The following KHDRBS2 variants were observed in gnomAD, a reference collection of about 807,000 sequenced individuals.
KHDRBS2 encodes the protein KH domain-containing, RNA-binding, signal transduction-associated protein 2.
KHDRBS2 carries 26 observed loss-of-function variants against 44.3 expected under a neutral mutation model. The ratio of observed to expected loss-of-function variants is 0.59; its 90% confidence interval spans 0.43 to 0.81. KHDRBS2 has a LOEUF of 0.81. KHDRBS2 is among the 40% of genes least tolerant of loss of function. The pLI is 0.00. For missense variants in KHDRBS2, 476 were observed against 433.1 expected, an observed-to-expected ratio of 1.10 and a Z score of -0.88; for synonymous variants, 194 against 151.1, an observed-to-expected ratio of 1.28 and a Z score of -2.08.
chr6:61,627,702 T>C, the KHDRBS2 span, among the ~76,000 whole-genome samples: 1 of 152,232 alleles, frequency 6.6e-6, no homozygotes, highest in Admixed American at 6.5e-5. Flanking sequence ...GGTTGATGCA[T>C]TCTGGGGACA....
At chr6:61,648,968 G>A in the KHDRBS2 span, among the ~76,000 whole-genome samples, 45 of 152,076 alleles carry the variant, frequency 3.0e-4, no homozygotes, top group African/African-American at 1.1e-3. Context: ...ATATCTCCAG[G>A]GTATATCTTT....
At chr6:61,609,902 G>A in the KHDRBS2 span, among the ~76,000 whole-genome samples, 101 of 152,190 alleles carry the variant, frequency 6.6e-4, no homozygotes, top group African/African-American at 2.1e-3. Context: ...GGCTGGGTGC[G>A]GTGGCTCACG....
At chr6:61,958,456 T>C (rs1366262073) in intron 4 of KHDRBS2, among the ~76,000 whole-genome samples, 1 of 152,204 alleles carries the variant, frequency 6.6e-6, no homozygotes, top group Non-Finnish European at 1.5e-5. Context: ...TGCCTGGATG[T>C]AATTTCATTC....
chr6:61,944,230 T>C (rs531615123), intron 4 of KHDRBS2, among the ~76,000 whole-genome samples: 1 of 152,154 alleles, frequency 6.6e-6, no homozygotes, highest in Non-Finnish European at 1.5e-5. Flanking sequence ...TGTAGCACTA[T>C]TCACAATAGC....
intron 2 of KHDRBS2, among the ~76,000 whole-genome samples, chr6:62,061,218 G>T (rs1417236356): frequency 6.6e-6 from 1 of 151,408 alleles, no homozygotes; most frequent in Non-Finnish European, 1.5e-5. Flanking sequence ...CTGTCATTAT[G>T]ATGTTAGCTG....
chr6:62,166,709 A>T (rs1277264633), intron 2 of KHDRBS2, among the ~76,000 whole-genome samples: 1 of 152,076 alleles, frequency 6.6e-6, no homozygotes, highest in East Asian at 1.9e-4. Context: ...TCCACTTTTC[A>T]AAATCAATAA....
chr6:61,657,121 A>G, the KHDRBS2 span, among the ~76,000 whole-genome samples: 2 of 152,028 alleles, frequency 1.3e-5, no homozygotes, highest in East Asian at 2.0e-4. Context: ...CTTCTGCCCA[A>G]GCTCCATCCT....
At chr6:62,018,957 T>C (rs1392304698) in intron 3 of KHDRBS2, among the ~76,000 whole-genome samples, 1 of 152,114 alleles carries the variant, frequency 6.6e-6, no homozygotes, top group Non-Finnish European at 1.5e-5. Context: ...CATATATTCT[T>C]TTTTAAAATT....
intron 6 of KHDRBS2, among the ~76,000 whole-genome samples, chr6:61,841,348 T>C (rs1280563377): frequency 6.6e-6 from 1 of 152,174 alleles, no homozygotes; most frequent in Non-Finnish European, 1.5e-5. Context: ...TTTGGGTACA[T>C]ACTTCTTGAA....
intron 4 of KHDRBS2, among the ~76,000 whole-genome samples, chr6:61,935,941 T>C (rs1810936803): frequency 6.6e-6 from 1 of 152,116 alleles, no homozygotes; most frequent in South Asian, 2.1e-4. Context: ...TTTCTAGTTC[T>C]TCAATACCAT....
At chr6:62,095,591 C>T (rs994745889) in intron 2 of KHDRBS2, among the ~76,000 whole-genome samples, 1 of 151,766 alleles carries the variant, frequency 6.6e-6, no homozygotes, top group African/African-American at 2.4e-5. Flanking sequence ...AAGAAATCAC[C>T]TAACAATGCA....
chr6:62,233,801 C>A (rs1260380928), intron 1 of KHDRBS2, among the ~76,000 whole-genome samples: 1 of 152,088 alleles, frequency 6.6e-6, no homozygotes, highest in Non-Finnish European at 1.5e-5. Flanking sequence ...CATCAATGTT[C>A]CTGCAAAGAA....
intron 6 of KHDRBS2, among the ~76,000 whole-genome samples, chr6:61,881,167 T>C (rs1800155612): frequency 6.6e-6 from 1 of 151,904 alleles, no homozygotes. Flanking sequence ...GAACCTCAGA[T>C]CCACATGGGT....
chr6:61,972,220 G>T (rs1771581551), intron 4 of KHDRBS2, among the ~76,000 whole-genome samples: 1 of 152,048 alleles, frequency 6.6e-6, no homozygotes. Flanking sequence ...CAATCAATTA[G>T]CAATGATACA....
At chr6:61,597,651 T>C in the KHDRBS2 span, among the ~76,000 whole-genome samples, 9 of 146,030 alleles carry the variant, frequency 6.2e-5, no homozygotes, top group South Asian at 2.2e-4. Context: ...GGGACAGAAG[T>C]AAATGAAAGA....
chr6:61,636,762 C>G, the KHDRBS2 span, among the ~76,000 whole-genome samples: 2 of 152,078 alleles, frequency 1.3e-5, no homozygotes, highest in Admixed American at 6.6e-5. Context: ...TCTTACACCT[C>G]TATTTCAAAC....
chr6:62,121,288 C>T (rs775270995), intron 2 of KHDRBS2, among the ~76,000 whole-genome samples: 12 of 152,312 alleles, frequency 7.9e-5, no homozygotes, highest in Admixed American at 2.0e-4. Context: ...TCAAAAACAA[C>T]ATTCCATCCC....
chr6:62,093,632 A>G (rs1218519301), intron 2 of KHDRBS2, among the ~76,000 whole-genome samples: 1 of 151,846 alleles, frequency 6.6e-6, no homozygotes, highest in African/African-American at 2.4e-5. Context: ...TTGTTGACCA[A>G]TCTCTCATCC....
In KHDRBS2 at chr6:61,699,068, A is replaced by G. The variant is rs542965476; in HGVS notation, c.894-1815T>C. On this transcript the variant is annotated intron_variant, in intron 7 of 8. Coordinates refer to ENST00000281156, the MANE Select transcript of KHDRBS2 (RefSeq NM_152688.4). Reference sequence around the variant, plus strand: ...TCTTCTAGAATATAAACTTCTTGTTATAGAAAATTGGTCTCTCATTTATTT... The same window carrying G: ...TCTTCTAGAATATAAACTTCTTGTTGTAGAAAATTGGTCTCTCATTTATTT... 5.3e-5 allele frequency among the ~76,000 whole-genome samples: 8 copies of G among 152,230 alleles called. No homozygotes were observed. In the South Asian group the frequency reaches 1.7e-3, roughly 32 times the overall value.
Sources: allele counts gnomAD v4.1 joint callset (sites outside exome capture counted in the v4.1 genomes callset), GRCh38; gene constraint gnomAD v4.1.1; transcripts MANE v1.5; gene names NCBI Gene and HGNC (gene_info 2026-07-23, HGNC 2026-07-21).